ZDHHC23: variants seen among roughly 807,000 people sequenced by gnomAD.
The protein encoded by ZDHHC23 is palmitoyltransferase ZDHHC23.
A neutral mutation model predicts 40.2 loss-of-function variants in ZDHHC23; 41 were observed. The ratio of observed to expected loss-of-function variants is 1.02; its 90% CI spans 0.79 to 1.32. ZDHHC23 has a LOEUF of 1.32. ZDHHC23 is among the 40% of genes most tolerant of loss of function. The pLI is 0.00. For synonymous variants in ZDHHC23, 204 were observed against 210.2 expected, an observed-to-expected ratio of 0.97 and a Z score of 0.26; for missense variants, 471 against 541.5, an observed-to-expected ratio of 0.87 and a Z score of 1.29.
downstream of ZDHHC23, among the ~76,000 whole-genome samples, chr3:113,969,004 G>A (rs894802622): frequency 6.6e-6 from 1 of 152,152 alleles, no homozygotes; most frequent in East Asian, 1.9e-4. Context: ...TGATGGAAGG[G>A]GAGCTATCAT....
chr3:113,950,249 C>T (rs1938536017), intron 2 of ZDHHC23, among the ~76,000 whole-genome samples: 1 of 152,186 alleles, frequency 6.6e-6, no homozygotes, highest in Non-Finnish European at 1.5e-5. Context: ...TCTACCTTTT[C>T]TTACTAGCCT....
chr3:113,958,757 A>G lies in ZDHHC23; in HGVS notation c.*127A>G. On this transcript the variant is annotated 3_prime_UTR_variant, in exon 5 of 5. Coordinates refer to ENST00000638807, the MANE Select transcript of ZDHHC23 (RefSeq NM_001320466.2). ...ATTATAGGGCCATGCTCAGGTTTAG[A>G]GACTGGAGTGGGAAGAAGTTAATTT... 6 of 1,571,322 alleles carry G rather than the reference A, an allele frequency of 3.8e-6. No individual in the cohort carries two copies. The highest frequency in any genetic ancestry group is 4.3e-6 in the Non-Finnish European group (5 of 1,163,370).
Position 113,958,599 on chromosome 3 carries a change from C to T in ZDHHC23, c.1277C>T (p.Ala426Val), listed in dbSNP as rs571895732. 89 of 1,603,448 alleles carry T rather than the reference C, an allele frequency of 5.6e-5. No homozygotes were observed. The South Asian group carries it at 9.5e-4, about 17-fold the overall frequency. Residue 426 changes from alanine (A) to valine (V), a missense_variant, in exon 5 of 5, where the codon GCA becomes GTA. Ala to Val is a moderately conservative substitution (Grantham distance 64). Transcript: ENST00000638807. ...CAGTTCTCCACCCTGGGCACACGTGCATTCCACCACCCTGCCGAGGACATT... is the reference window on the plus strand; with the variant it reads ...CAGTTCTCCACCCTGGGCACACGTGTATTCCACCACCCTGCCGAGGACATT... ...WHQFSTLGTR[A>V]FHHPAEDIV
chr3:113,975,780 A>G, the ZDHHC23 span, among the ~76,000 whole-genome samples: 1 of 152,198 alleles, frequency 6.6e-6, no homozygotes, highest in Non-Finnish European at 1.5e-5. Flanking sequence ...AAGAAACATT[A>G]TAGGAGGCCA....
downstream of ZDHHC23, among the ~76,000 whole-genome samples, chr3:113,967,176 TCCA>T (rs1472652325): frequency 6.6e-6 from 1 of 152,112 alleles, no homozygotes; most frequent in Non-Finnish European, 1.5e-5. Flanking sequence ...ATCCATTCAG[TCCA>T]CCATTTACAG....
At chr3:113,978,690 A>G in the ZDHHC23 span, 1 of 746,422 alleles carries the variant, frequency 1.3e-6, no homozygotes, top group South Asian at 1.9e-5. Context: ...ACACTAATAA[A>G]ACACTGATTT....
chr3:113,978,886 A>G, the ZDHHC23 span: 1 of 1,613,892 alleles, frequency 6.2e-7, no homozygotes, highest in African/African-American at 1.3e-5. Context: ...GACTCTCTTA[A>G]GCAGTATTTG....
At chr3:113,967,632 C>T (rs1172205986), downstream of ZDHHC23, among the ~76,000 whole-genome samples, 3 of 152,166 alleles carry the variant, frequency 2.0e-5, no homozygotes, top group East Asian at 5.8e-4. Context: ...CTTTTATTTA[C>T]CATGGGGACA....
At chr3:113,976,142 C>A in the ZDHHC23 span, among the ~76,000 whole-genome samples, 1 of 151,998 alleles carries the variant, frequency 6.6e-6, no homozygotes, top group Non-Finnish European at 1.5e-5. Flanking sequence ...GCCGTTAATC[C>A]CAGCTACTTG....
At chr3:113,975,729 T>C in the ZDHHC23 span, among the ~76,000 whole-genome samples, 1 of 152,118 alleles carries the variant, frequency 6.6e-6, no homozygotes, top group East Asian at 1.9e-4. Flanking sequence ...TGAGATCAGG[T>C]TATGTGAAAG....
the ZDHHC23 span, among the ~76,000 whole-genome samples, chr3:113,972,751 T>C: frequency 1.3e-5 from 2 of 152,184 alleles, no homozygotes; most frequent in African/African-American, 4.8e-5. Flanking sequence ...GTTGAGTGCA[T>C]AGATATTTAT....
chr3:113,948,719 G>T lies in ZDHHC23; in HGVS notation c.-84G>T. 6.6e-7 allele frequency: 1 copy of T among 1,510,554 alleles called. No homozygotes were observed. The highest frequency in any genetic ancestry group is 1.2e-5 in the South Asian group (1 of 85,744). The allele number at this position is 1,510,554 out of a possible 1,614,324, so 93.6% of individuals were successfully genotyped here. On this transcript the variant is annotated 5_prime_UTR_variant, in exon 2 of 5. Coordinates refer to ENST00000638807, the MANE Select transcript of ZDHHC23 (RefSeq NM_001320466.2). ...GGTTAAGCAGAGAGAGAGAGGCGTG[G>T]ACCTATTTACGAGATGTAAGTTGTG...
chr3:113,953,686 C>CTT lies in ZDHHC23; in HGVS notation c.162-10_162-9dup. On this transcript the variant is annotated splice_polypyrimidine_tract_variant and intron_variant, in intron 2 of 4. Transcript: ENST00000638807. ...CCACATGAAGTCCCTCCTCTTTGTG[C>CTT]TTTTTCTGAATAGATGGATTACATG... 1 of 1,598,750 alleles carries CTT rather than the reference C, an allele frequency of 6.3e-7. No homozygotes were observed. The highest frequency in any genetic ancestry group is 8.5e-7 in the Non-Finnish European group (1 of 1,171,008).
intron 2 of ZDHHC23, among the ~76,000 whole-genome samples, chr3:113,952,151 T>A (rs924279486): frequency 6.6e-6 from 1 of 151,630 alleles, no homozygotes; most frequent in African/African-American, 2.4e-5. Context: ...AAAAAAAAAA[T>A]TTCTCTCCTG....
At chr3:113,958,338 C>CT (rs1939428753) in intron 4 of ZDHHC23, 25 bp from the exon 5 acceptor site, 2 of 1,582,634 alleles carry the variant, frequency 1.3e-6, no homozygotes, top group South Asian at 2.3e-5. Context: ...AACGGCAGCC[C>CT]TGACAGCCTT....
chr3:113,948,793 G>A lies in ZDHHC23; in HGVS notation c.-10G>A. On this transcript the variant is annotated 5_prime_UTR_variant, in exon 2 of 5. Coordinates refer to ENST00000638807, the MANE Select transcript of ZDHHC23 (RefSeq NM_001320466.2). ...GGGCTTCTTACGCCTCATGGTGACA[G>A]GTGCAAATCATGACACAGAAGGGCA... 1 of 1,614,056 alleles carries A rather than the reference G, an allele frequency of 6.2e-7. No homozygotes were observed. The highest frequency in any genetic ancestry group is 1.1e-5 in the South Asian group (1 of 91,080).
In ZDHHC23 at chr3:113,963,185, A is replaced by C. The variant is rs544263580; in HGVS notation, c.*4555A>C. ...GTTGGGGCATTATGTTAACAGTAAC[A>C]TTTTGAAACATACTTTCATGATAGT... is the stretch of plus-strand genomic sequence containing the variant. On this transcript the variant is annotated 3_prime_UTR_variant, in exon 5 of 5. Coordinates refer to ENST00000638807, the MANE Select transcript of ZDHHC23 (RefSeq NM_001320466.2). 25 of 152,224 alleles carry C rather than the reference A, an allele frequency of 1.6e-4. No homozygotes were observed. The highest frequency in any genetic ancestry group is 6.0e-4 in the African/African-American group (25 of 41,530). The allele number at this position is 152,224 out of a possible 1,614,324, so 9.4% of individuals were successfully genotyped here.
At position 113,954,267 on chromosome 3, in the gene ZDHHC23, G is replaced by A. The variant is rs1301633062; in HGVS notation, c.729G>A (p.Lys243=). ...LNNRTTKDDP[K]GSSKMPAGSP... is the part of the protein sequence containing the mutation. Reference sequence around the variant, plus strand: ...ATCGCACAACAAAGGATGACCCCAAGGGCTCTTCCAAGATGCCAGCTGGAA... The same window carrying A: ...ATCGCACAACAAAGGATGACCCCAAAGGCTCTTCCAAGATGCCAGCTGGAA... The change falls in exon 3 of 5, where the codon AAG becomes AAA. Residue 243 remains lysine, a synonymous_variant. Transcript: ENST00000638807. The A allele has an allele frequency of 6.2e-7, 1 of 1,614,158 alleles. No individual in the cohort carries two copies. The highest frequency in any genetic ancestry group is 8.5e-7 in the Non-Finnish European group (1 of 1,180,000).
intron 4 of ZDHHC23, 120 bp from the exon 5 acceptor site, chr3:113,958,243 G>T (rs942790838): frequency 1.9e-5 from 16 of 856,944 alleles, no homozygotes; most frequent in Admixed American, 1.4e-4. Flanking sequence ...AGTTCGGAGG[G>T]TTGGGGAAGA....
Sources: gnomAD v4.1 joint callset for allele counts (sites outside exome capture counted in the v4.1 genomes callset) on GRCh38, gnomAD v4.1.1 for gene constraint, MANE v1.5 for transcripts, NCBI Gene and HGNC (gene_info 2026-07-23, HGNC 2026-07-21) for gene names.